Variants in CCDC73 observed in about 807,000 individuals in gnomAD.
CCDC73 encodes the protein coiled-coil domain containing 73.
CCDC73 carries 95 observed loss-of-function variants against 116.5 expected under a neutral mutation model. That is an observed-to-expected ratio of 0.82 (90% confidence interval 0.69 to 0.97). The LOEUF is 0.97. Among genes scored for constraint, CCDC73 ranks in the 50% least tolerant of loss-of-function variants. CCDC73 has a pLI of 0.00. For synonymous variants in CCDC73, 398 were observed against 401.3 expected, an observed-to-expected ratio of 0.99 and a Z score of 0.10; for missense variants, 1,066 against 1,206.8, an observed-to-expected ratio of 0.88 and a Z score of 1.73.
chr11:32,706,928 T>C (rs560304719), intron 3 of CCDC73, among the ~76,000 whole-genome samples: 19 of 152,324 alleles, frequency 1.2e-4, no homozygotes, highest in Admixed American at 3.3e-4. Flanking sequence ...CTGATGACTT[T>C]CCTGTTCATA....
At chr11:32,646,753 T>C (rs1488253890) in intron 12 of CCDC73, among the ~76,000 whole-genome samples, 1 of 152,256 alleles carries the variant, frequency 6.6e-6, no homozygotes, top group East Asian at 1.9e-4. Flanking sequence ...ATTAATTCTT[T>C]GGTCATTTCC....
chr11:32,786,585 A>G (rs1850631639), intron 1 of CCDC73, among the ~76,000 whole-genome samples: 1 of 149,432 alleles, frequency 6.7e-6, no homozygotes, highest in Non-Finnish European at 1.5e-5. Flanking sequence ...GCATCATTTC[A>G]GCATTCATCA....
chr11:32,753,565 A>G (rs1850306459), intron 2 of CCDC73, among the ~76,000 whole-genome samples: 1 of 152,084 alleles, frequency 6.6e-6, no homozygotes, highest in Non-Finnish European at 1.5e-5. Flanking sequence ...CCTGGGTTCA[A>G]GTGATTCTTC....
At chr11:32,756,457 C>A (rs1227441630) in intron 2 of CCDC73, among the ~76,000 whole-genome samples, 2 of 141,766 alleles carry the variant, frequency 1.4e-5, no homozygotes, top group African/African-American at 2.6e-5. Flanking sequence ...ATATATATCT[C>A]TCTATATATC....
At chr11:32,811,363 A>T in the CCDC73 span, among the ~76,000 whole-genome samples, 1 of 152,166 alleles carries the variant, frequency 6.6e-6, no homozygotes, top group Non-Finnish European at 1.5e-5. Flanking sequence ...AACATAATAA[A>T]CATACATGTT....
chr11:32,618,540 G>T (rs201906), intron 14 of CCDC73, among the ~76,000 whole-genome samples: 54,042 of 151,780 alleles, frequency 0.36, 9,862 homozygotes, highest in African/African-American at 0.42. Context: ...TGTTGTTTTT[G>T]ACCTTATTTT....
chr11:32,649,007 A>G (rs563070357), intron 12 of CCDC73, among the ~76,000 whole-genome samples: 45 of 151,806 alleles, frequency 3.0e-4, no homozygotes, highest in African/African-American at 1.1e-3. Flanking sequence ...TAAGACCACA[A>G]CTCTTAACTT....
upstream of CCDC73, chr11:32,794,734 A>G (rs1014636278): frequency 6.6e-6 from 1 of 152,272 alleles, no homozygotes; most frequent in Non-Finnish European, 1.5e-5. Context: ...CATCTGGGGC[A>G]AAATATGATT....
chr11:32,828,290 C>A, the CCDC73 span, among the ~76,000 whole-genome samples: 2 of 152,008 alleles, frequency 1.3e-5, no homozygotes, highest in Non-Finnish European at 2.9e-5. Context: ...AGGTGGATCA[C>A]CTGAGGTCAG....
chr11:32,710,593 T>C (rs908526972), intron 3 of CCDC73, among the ~76,000 whole-genome samples: 5 of 152,194 alleles, frequency 3.3e-5, no homozygotes, highest in African/African-American at 1.2e-4. Context: ...GAGACTTGTT[T>C]TGTGGCCTAT....
intron 5 of CCDC73, 76 bp downstream of exon 5, chr11:32,700,715 C>A: frequency 1.5e-6 from 1 of 658,256 alleles, no homozygotes; most frequent in Non-Finnish European, 2.5e-6. Context: ...TAAAAGGCAT[C>A]TAGCTATGTT....
At chr11:32,685,784 C>T (rs1315093025) in intron 6 of CCDC73, among the ~76,000 whole-genome samples, 2 of 133,976 alleles carry the variant, frequency 1.5e-5, no homozygotes, top group Non-Finnish European at 3.0e-5. Context: ...TGCAGTGGTG[C>T]GATCTCAGCT....
intron 12 of CCDC73, among the ~76,000 whole-genome samples, chr11:32,644,360 C>T (rs1855758559): frequency 6.6e-6 from 1 of 152,112 alleles, no homozygotes; most frequent in African/African-American, 2.4e-5. Context: ...AAAAAACTAC[C>T]AATCAGGTAC....
At chr11:32,604,957 A>G (rs1855327993) in intron 17 of CCDC73, 1 of 152,156 alleles carries the variant, frequency 6.6e-6, no homozygotes, top group Non-Finnish European at 1.5e-5. Context: ...GGTTCAAGCG[A>G]TTCTTCTGCC....
intron 2 of CCDC73, among the ~76,000 whole-genome samples, chr11:32,726,272 T>C (rs1166376924): frequency 6.6e-6 from 1 of 152,156 alleles, no homozygotes; most frequent in East Asian, 1.9e-4. Flanking sequence ...ATTGGATTTA[T>C]TGACATAGAC....
Position 32,635,841 on chromosome 11 carries a change from A to G in CCDC73, c.1051-11T>C. On this transcript the variant is annotated splice_polypyrimidine_tract_variant and intron_variant, in intron 13 of 17. Coordinates refer to ENST00000335185, the MANE Select transcript of CCDC73 (RefSeq NM_001008391.4). ...ATTAAGTTCTTCAGCCTATTATAAAAAAGGAACCAGAATAAACAAGTATAT... is the reference window on the plus strand; with the variant it reads ...ATTAAGTTCTTCAGCCTATTATAAAGAAGGAACCAGAATAAACAAGTATAT... 1 of 1,122,854 alleles carries G rather than the reference A, an allele frequency of 8.9e-7. No homozygotes were observed. The highest frequency in any genetic ancestry group is 1.6e-5 in the African/African-American group (1 of 62,716). The allele number at this position is 1,122,854 out of a possible 1,614,324, so 69.6% of individuals were successfully genotyped here. A position where few individuals can be genotyped will look rare whatever the true frequency, so the allele number is the denominator to read the frequency against.
chr11:32,652,818 A>G (rs868352506), intron 12 of CCDC73, among the ~76,000 whole-genome samples: 1 of 152,080 alleles, frequency 6.6e-6, no homozygotes, highest in Admixed American at 6.6e-5. Flanking sequence ...TTGGATTGTG[A>G]CCACAATTCT....
At chr11:32,768,704 G>A (rs1459484521) in intron 1 of CCDC73, among the ~76,000 whole-genome samples, 2 of 152,162 alleles carry the variant, frequency 1.3e-5, no homozygotes, top group Admixed American at 1.3e-4. Context: ...ACTTAGCCAG[G>A]TGTGGTTGTG....
intron 7 of CCDC73, chr11:32,680,885 T>G (rs577253914): frequency 9.9e-4 from 151 of 152,154 alleles, no homozygotes; most frequent in African/African-American, 3.6e-3. Flanking sequence ...TTCAAAAATC[T>G]ATGGCATCTT....
Sources: allele counts gnomAD v4.1 joint callset (sites outside exome capture counted in the v4.1 genomes callset), GRCh38; gene constraint gnomAD v4.1.1; transcripts MANE v1.5; gene names NCBI Gene and HGNC (gene_info 2026-07-23, HGNC 2026-07-21).